MCC: variants seen among roughly 807,000 people sequenced by gnomAD.
MCC encodes MCC regulator of Wnt signaling pathway.
In MCC, 90 loss-of-function variants were observed where a neutral mutation model predicts 116.2. The observed-to-expected ratio is 0.77, with a 90% confidence interval of 0.65 to 0.92. The LOEUF is 0.92. Among genes scored for constraint, MCC ranks in the 40% least tolerant of loss-of-function variants. MCC has a pLI of 0.00. For missense variants in MCC, 1,516 were observed against 1,312.2 expected (o/e 1.16, Z -2.40); for synonymous variants, 578 against 510.5 (o/e 1.13, Z -1.78).
chr5:113,219,770 TTTAGAGGAGTGCTATAAAGAGAA>T (rs1181663032), intron 3 of MCC, among the ~76,000 whole-genome samples: 4 of 152,118 alleles, frequency 2.6e-5, no homozygotes, highest in Admixed American at 2.6e-4. Context: ...GTGGACAAGG[TTTAGAGGAGTGCTATAAAGAGAA>T]TATTGATTCC....
chr5:113,136,684 C>T (rs977991216), intron 5 of MCC, among the ~76,000 whole-genome samples: 11 of 152,020 alleles, frequency 7.2e-5, no homozygotes, highest in Non-Finnish European at 1.3e-4. Flanking sequence ...ATGATTTTAA[C>T]GTGTTGATTT....
chr5:113,178,774 T>C (rs1167903522), intron 3 of MCC, among the ~76,000 whole-genome samples: 2 of 152,168 alleles, frequency 1.3e-5, no homozygotes, highest in Non-Finnish European at 2.9e-5. Flanking sequence ...TTAATTAACA[T>C]GTTCTATTTT....
intron 3 of MCC, among the ~76,000 whole-genome samples, chr5:113,162,354 T>C (rs1760535581): frequency 6.6e-6 from 1 of 152,216 alleles, no homozygotes; most frequent in African/African-American, 2.4e-5. Context: ...CTCGTTTAAC[T>C]TTTCTAAGCC....
chr5:113,216,864 T>C (rs929068393), intron 3 of MCC, among the ~76,000 whole-genome samples: 3 of 152,232 alleles, frequency 2.0e-5, no homozygotes, highest in African/African-American at 4.8e-5. Flanking sequence ...AGTTGCCTCC[T>C]CTGCAAAACG....
chr5:113,367,652 A>AAGAG lies in MCC; in HGVS notation c.415+17312_415+17315dup, dbSNP rs375991374. On this transcript the variant is annotated intron_variant, in intron 2 of 18. Coordinates refer to ENST00000408903, the MANE Select transcript of MCC (RefSeq NM_001085377.2). ...GGTGGGGGGGGGGAAGAGAGAGAGA[A>AAGAG]AGAGAGAGAGAGAGAGCGAGAGAGA... Among the ~76,000 whole-genome samples the AAGAG allele has an allele frequency of 2.5e-4, 35 of 141,988 alleles. 4 individuals are homozygous for AAGAG. The highest frequency in any genetic ancestry group is 6.3e-4 in the Admixed American group (9 of 14,342). The allele number at this position is 141,988 out of a possible 152,430, so 93.1% of individuals were successfully genotyped here. A position where few individuals can be genotyped will look rare whatever the true frequency, so the allele number is the denominator to read the frequency against.
chr5:113,469,022 G>A (rs1283711792), intron 1 of MCC, among the ~76,000 whole-genome samples: 2 of 152,066 alleles, frequency 1.3e-5, no homozygotes, highest in Non-Finnish European at 2.9e-5. Flanking sequence ...TGGGATCGGT[G>A]GTGATATCCC....
chr5:113,217,209 T>C (rs997877206), intron 3 of MCC, among the ~76,000 whole-genome samples: 14 of 149,064 alleles, frequency 9.4e-5, no homozygotes, highest in African/African-American at 3.2e-4. Context: ...AGGAGGAGCT[T>C]CTCTCTCTCT....
intron 2 of MCC, among the ~76,000 whole-genome samples, chr5:113,347,841 C>T (rs946143446): frequency 1.1e-4 from 16 of 152,054 alleles, no homozygotes; most frequent in East Asian, 1.9e-4. Context: ...ACAAGAAACA[C>T]GCTTTACCTA....
Position 113,070,897 on chromosome 5 carries a change from T to A in MCC, c.1925+197A>T, listed in dbSNP as rs1753991685. Among the ~76,000 whole-genome samples, 3 of 152,206 alleles carry A rather than the reference T, an allele frequency of 2.0e-5. No homozygotes were observed. In the South Asian group the frequency reaches 6.2e-4, roughly 32 times the overall value. On this transcript the variant is annotated intron_variant, in intron 12 of 18. Transcript: ENST00000408903. ...TAAATGAAATGATATTTAAGATGAA[T>A]ATGCTAGGAGAAATATACCTGTTTA...
At position 113,116,713 on chromosome 5, in the gene MCC, C is replaced by G. The variant is rs981121086; in HGVS notation, c.1027+5971G>C. On this transcript the variant is annotated intron_variant, in intron 6 of 18. Transcript: ENST00000408903. ...AAGTAGAACAATAACCTTTCCTGCTCTCAACCCTGGTTACTCTAAGGAAGA... is the reference window on the plus strand; with the variant it reads ...AAGTAGAACAATAACCTTTCCTGCTGTCAACCCTGGTTACTCTAAGGAAGA... Among the ~76,000 whole-genome samples the G allele has an allele frequency of 5.9e-5, 9 of 152,324 alleles. No individual in the cohort carries two copies. The East Asian group carries it at 1.3e-3, about 23-fold the overall frequency.
At chr5:113,370,814 T>C (rs13189050) in intron 2 of MCC, among the ~76,000 whole-genome samples, 28,894 of 152,116 alleles carry the variant, frequency 0.19, 3,027 homozygotes, top group Non-Finnish European at 0.24. Flanking sequence ...TCTAAACATC[T>C]ATACAGAAAT....
At chr5:113,444,773 A>G (rs753908344) in intron 1 of MCC, among the ~76,000 whole-genome samples, 6 of 152,196 alleles carry the variant, frequency 3.9e-5, no homozygotes, top group African/African-American at 7.2e-5. Context: ...TTAATATTAC[A>G]GTTCTCTATA....
chr5:113,025,899 A>G lies in MCC; in HGVS notation c.*1403T>C, dbSNP rs1327216329. 1 of 152,222 alleles carries G rather than the reference A, an allele frequency of 6.6e-6. No homozygotes were observed. Among genetic ancestry groups the G allele is most frequent in the Admixed American group, 6.5e-5 (1 of 15,282 alleles). 9.4% of individuals were successfully genotyped at this position (152,222 alleles called of 1,614,324 possible). A position where few individuals can be genotyped will look rare whatever the true frequency, so the allele number is the denominator to read the frequency against. ...GCTTATGGACATAAAGACTCTATGC[A>G]GAAACCTCCTCAACTTTAATTTGTA... On this transcript the variant is annotated 3_prime_UTR_variant, in exon 19 of 19. Transcript: ENST00000408903.
intron 3 of MCC, among the ~76,000 whole-genome samples, chr5:113,165,645 G>C (rs1016919054): frequency 6.6e-6 from 1 of 152,032 alleles, no homozygotes; most frequent in African/African-American, 2.4e-5. Context: ...CACCATGATG[G>C]GCTGATAAAA....
At chr5:113,372,745 G>A (rs542660295) in intron 2 of MCC, among the ~76,000 whole-genome samples, 34 of 152,186 alleles carry the variant, frequency 2.2e-4, no homozygotes, top group African/African-American at 5.5e-4. Context: ...AGGCTGGAGC[G>A]CAGTGGTGCA....
chr5:113,059,754 T>C (rs1290082880), intron 14 of MCC, among the ~76,000 whole-genome samples: 1 of 152,248 alleles, frequency 6.6e-6, no homozygotes, highest in Non-Finnish European at 1.5e-5. Flanking sequence ...CATCTGTTCA[T>C]TGCCAGCAGC....
chr5:113,057,222 G>C (rs914085075), intron 14 of MCC, among the ~76,000 whole-genome samples: 7 of 152,194 alleles, frequency 4.6e-5, no homozygotes, highest in African/African-American at 1.7e-4. Context: ...CATTTTATAA[G>C]GGCTGTGTCT....
intron 3 of MCC, among the ~76,000 whole-genome samples, chr5:113,338,373 T>TA (rs1449338857): frequency 1.3e-5 from 2 of 152,240 alleles, no homozygotes. Context: ...AGAGCCAACT[T>TA]AGAGAACCTG....
At chr5:113,071,347 G>C in intron 11 of MCC, 113 bp from the exon 12 acceptor site, 1 of 1,053,946 alleles carries the variant, frequency 9.5e-7, no homozygotes, top group Non-Finnish European at 1.4e-6. Flanking sequence ...GGGCCTGTCA[G>C]ATTAGTAGCT....
Sources: gnomAD v4.1 joint callset for allele counts (sites outside exome capture counted in the v4.1 genomes callset) on GRCh38, gnomAD v4.1.1 for gene constraint, MANE v1.5 for transcripts, NCBI Gene and HGNC (gene_info 2026-07-23, HGNC 2026-07-21) for gene names.